NAALAD2: variants seen among roughly 807,000 people sequenced by gnomAD.
The protein encoded by NAALAD2 is N-acetylated-alpha-linked acidic dipeptidase 2.
A neutral mutation model predicts 95.6 loss-of-function variants in NAALAD2; 89 were observed. The ratio of observed to expected loss-of-function variants is 0.93; its 90% CI spans 0.78 to 1.11. The LOEUF (loss-of-function observed/expected upper bound fraction) is 1.11. Ranked by LOEUF, NAALAD2 falls within the 50% of genes least tolerant of loss-of-function variation. The pLI, the probability that NAALAD2 is intolerant of heterozygous loss-of-function variation, is 0.00. For synonymous variants in NAALAD2, 264 were observed against 294.4 expected, an observed-to-expected ratio of 0.90 and a Z score of 1.06; for missense variants, 894 against 872.4, an observed-to-expected ratio of 1.02 and a Z score of -0.31.
At chr11:90,186,420 G>A (rs1252766266) in intron 18 of NAALAD2, among the ~76,000 whole-genome samples, 1 of 151,994 alleles carries the variant, frequency 6.6e-6, no homozygotes, top group Non-Finnish European at 1.5e-5. Context: ...TCTTAATCCA[G>A]TCTATCATTG....
chr11:90,144,366 A>G (rs897530574), intron 2 of NAALAD2, among the ~76,000 whole-genome samples: 3 of 152,164 alleles, frequency 2.0e-5, no homozygotes, highest in Non-Finnish European at 4.4e-5. Context: ...CTCCTAGCTG[A>G]ATTTTAGCCA....
intron 1 of NAALAD2, among the ~76,000 whole-genome samples, 189 bp from the exon 2 acceptor site, chr11:90,135,370 A>G (rs1951428048): frequency 1.3e-5 from 2 of 152,248 alleles, no homozygotes; most frequent in Admixed American, 1.3e-4. Flanking sequence ...GCATCTAAAA[A>G]TTATATTACA....
intron 5 of NAALAD2, among the ~76,000 whole-genome samples, chr11:90,151,656 G>A (rs1029420744): frequency 3.3e-5 from 5 of 152,100 alleles, no homozygotes; most frequent in Non-Finnish European, 5.9e-5. Context: ...ATATTGGAAT[G>A]CATTTTTATG....
chr11:90,169,902 C>G (rs1254261245), intron 12 of NAALAD2, among the ~76,000 whole-genome samples, 167 bp from the exon 13 acceptor site: 1 of 152,090 alleles, frequency 6.6e-6, no homozygotes, highest in African/African-American at 2.4e-5. Context: ...TGCAGGCTCT[C>G]TTGCTCCTGA....
intron 11 of NAALAD2, 34 bp from the exon 12 acceptor site, chr11:90,168,895 T>C (rs1480091080): frequency 7.2e-6 from 11 of 1,533,618 alleles, no homozygotes; most frequent in African/African-American, 1.4e-5. Flanking sequence ...AACTAAGTAA[T>C]GTGAATTAAG....
chr11:90,167,346 G>GCTCGATTT (rs909377072), intron 11 of NAALAD2, among the ~76,000 whole-genome samples: 1 of 152,202 alleles, frequency 6.6e-6, no homozygotes, highest in Non-Finnish European at 1.5e-5. Context: ...CAGCTGTTGT[G>GCTCGATTT]CTCGATTTCT....
Position 90,135,097 on chromosome 11 carries a change from T to C in NAALAD2, c.82+257T>C, listed in dbSNP as rs1329990405. On this transcript the variant is annotated intron_variant, in intron 1 of 18. Coordinates refer to ENST00000534061, the MANE Select transcript of NAALAD2 (RefSeq NM_005467.4). ...GTTCACTAAAGACAACCTACAGCTGTCACTGTCTGCAGGGATGAAAAAAAA... is the reference window on the plus strand; with the variant it reads ...GTTCACTAAAGACAACCTACAGCTGCCACTGTCTGCAGGGATGAAAAAAAA... 8.4e-6 allele frequency: 4 copies of C among 474,088 alleles called. No individual in the cohort carries two copies. In the Middle Eastern group the frequency reaches 1.7e-3, roughly 203 times the overall value. The allele number at this position is 474,088 out of a possible 1,614,324, so 29.4% of individuals were successfully genotyped here. A position where few individuals can be genotyped will look rare whatever the true frequency, so the allele number is the denominator to read the frequency against.
chr11:90,152,489 G>T lies in NAALAD2; in HGVS notation c.796+5G>T. Reference sequence around the variant, plus strand: ...CTCCAGGCTATCCAGCAAAAGGTAAGGGATGAGCCTATCAGTCCACCAATT... The same window carrying T: ...CTCCAGGCTATCCAGCAAAAGGTAATGGATGAGCCTATCAGTCCACCAATT... On this transcript the variant is annotated splice_donor_5th_base_variant and intron_variant, in intron 6 of 18. Transcript: ENST00000534061. The T allele has an allele frequency of 6.3e-7, 1 of 1,597,006 alleles. No individual in the cohort carries two copies. Among genetic ancestry groups the T allele is most frequent in the Non-Finnish European group, 8.6e-7 (1 of 1,167,038 alleles).
chr11:90,152,161 C>A, intron 5 of NAALAD2, 137 bp from the exon 6 acceptor site: 1 of 731,228 alleles, frequency 1.4e-6, no homozygotes, highest in Non-Finnish European at 2.0e-6. Flanking sequence ...TGTTCAAAGC[C>A]AAGAGAACTG....
intron 18 of NAALAD2, 69 bp downstream of exon 18, chr11:90,183,077 C>T: frequency 8.7e-7 from 1 of 1,144,408 alleles, no homozygotes; most frequent in Non-Finnish European, 1.3e-6. Flanking sequence ...TGGCTTTAAA[C>T]TAATGCCATT....
rs554189374 is a variant in NAALAD2 at position 90,183,026 on chromosome 11, G to A, written c.2033+18G>A. 57 of 1,578,926 alleles carry A rather than the reference G, an allele frequency of 3.6e-5. No homozygotes were observed. In the East Asian group the frequency reaches 9.0e-4, roughly 25 times the overall value. On this transcript the variant is annotated intron_variant, in intron 18 of 18. Transcript: ENST00000534061. ...TTCTATAGGTAAGGAAACAACAGGC[G>A]CCAAATACATCACTGTGACCAAAAC...
intron 2 of NAALAD2, among the ~76,000 whole-genome samples, chr11:90,144,952 A>G (rs553751116): frequency 6.6e-6 from 1 of 152,028 alleles, no homozygotes; most frequent in Non-Finnish European, 1.5e-5. Context: ...TTTTTAACAG[A>G]GCCTCAACTT....
At chr11:90,191,522 A>G in intron 18 of NAALAD2, 36 bp from the exon 19 acceptor site, 2 of 1,461,532 alleles carry the variant, frequency 1.4e-6, no homozygotes, top group South Asian at 1.5e-5. Context: ...GCATGTATAC[A>G]CTTTAGTTCA....
Position 90,177,753 on chromosome 11 carries a change from GGTT to G in NAALAD2, c.1594-96_1594-94del, listed in dbSNP as rs1487754040. 9.0e-6 allele frequency: 11 copies of G among 1,227,250 alleles called. No individual in the cohort carries two copies. The South Asian group carries it at 1.4e-4, about 16-fold the overall frequency. The allele number at this position is 1,227,250 out of a possible 1,614,324, so 76.0% of individuals were successfully genotyped here. On this transcript the variant is annotated intron_variant, in intron 15 of 18. Coordinates refer to ENST00000534061, the MANE Select transcript of NAALAD2 (RefSeq NM_005467.4). ...CAGATGTGAGCCACCATGACTGGCT[GGTT>G]GTTATTTTTTCTATAGTTATTTTTA...
rs778950906 is a variant in NAALAD2 at position 90,175,952 on chromosome 11, G to GTGTGTGT, written c.1503-20_1503-19insTGTGTGT. The GTGTGTGT allele has an allele frequency of 9.9e-4, 1,417 of 1,433,814 alleles. No homozygotes were observed. Among genetic ancestry groups the GTGTGTGT allele is most frequent in the Non-Finnish European group, 1.2e-3 (1,250 of 1,017,130 alleles). The allele number at this position is 1,433,814 out of a possible 1,614,324, so 88.8% of individuals were successfully genotyped here. On this transcript the variant is annotated intron_variant, in intron 14 of 18. Coordinates refer to ENST00000534061, the MANE Select transcript of NAALAD2 (RefSeq NM_005467.4). Reference sequence around the variant, plus strand: ...TATGTGTGTGTGTGTGTGTGTGTGTGGATTGCATTCTACATCTAGAATCAA... The same window carrying GTGTGTGT: ...TATGTGTGTGTGTGTGTGTGTGTGTGTGTGTGTGATTGCATTCTACATCTAGAATCAA...
intron 12 of NAALAD2, 52 bp from the exon 13 acceptor site, chr11:90,170,017 G>T: frequency 9.6e-7 from 1 of 1,044,086 alleles, no homozygotes. Context: ...TAAACAAATG[G>T]AATTTCATTT....
intron 8 of NAALAD2, among the ~76,000 whole-genome samples, chr11:90,159,770 G>C (rs376936142): frequency 5.3e-4 from 80 of 151,852 alleles, no homozygotes; most frequent in African/African-American, 1.8e-3. Context: ...GGCCAACAAG[G>C]AGAAACCCCG....
At chr11:90,181,162 C>G (rs1014804729) in intron 16 of NAALAD2, among the ~76,000 whole-genome samples, 1 of 152,052 alleles carries the variant, frequency 6.6e-6, no homozygotes, top group Non-Finnish European at 1.5e-5. Context: ...TTCTCAGTAT[C>G]TGGTTATATC....
chr11:90,158,815 G>A (rs1952201182), intron 7 of NAALAD2: 1 of 193,884 alleles, frequency 5.2e-6, no homozygotes, highest in East Asian at 1.6e-4. Context: ...ATGCCTGTAT[G>A]TGTATTACAA....
Sources: gnomAD v4.1 joint callset for allele counts (sites outside exome capture counted in the v4.1 genomes callset) on GRCh38, gnomAD v4.1.1 for gene constraint, MANE v1.5 for transcripts, NCBI Gene and HGNC (gene_info 2026-07-23, HGNC 2026-07-21) for gene names.